The following SHQ1 variants were observed in gnomAD, a reference collection of about 807,000 sequenced individuals.
The protein encoded by SHQ1 is protein SHQ1 homolog.
In SHQ1, 49 loss-of-function variants were observed where a neutral mutation model predicts 53.8. The ratio of observed to expected loss-of-function variants is 0.91; its 90% confidence interval spans 0.72 to 1.16. SHQ1 has a LOEUF of 1.16. SHQ1 is among the 50% of genes most tolerant of loss of function. SHQ1 has a pLI of 0.00. For missense variants in SHQ1, 738 were observed against 683.1 expected (o/e 1.08, Z -0.90); for synonymous variants, 243 against 251.0 (o/e 0.97, Z 0.30).
chr3:72,801,799 G>A (rs555037832), intron 9 of SHQ1, among the ~76,000 whole-genome samples: 17 of 152,310 alleles, frequency 1.1e-4, no homozygotes, highest in African/African-American at 3.1e-4. Context: ...TAATTTATAT[G>A]AAAAGGATGC....
intron 6 of SHQ1, among the ~76,000 whole-genome samples, chr3:72,818,141 C>T (rs1315447081): frequency 2.0e-5 from 3 of 151,992 alleles, no homozygotes; most frequent in Admixed American, 6.6e-5. Flanking sequence ...CCTACACCCT[C>T]CCTCAACCCA....
intron 10 of SHQ1, among the ~76,000 whole-genome samples, chr3:72,781,295 A>AC (rs1706068070): frequency 2.0e-5 from 3 of 152,044 alleles, no homozygotes; most frequent in African/African-American, 7.2e-5. Context: ...ACCCCAGGTG[A>AC]TCCGCTCACC....
At chr3:72,788,403 G>A (rs893027348) in intron 10 of SHQ1, among the ~76,000 whole-genome samples, 20 of 149,428 alleles carry the variant, frequency 1.3e-4, no homozygotes, top group Admixed American at 4.0e-4. Context: ...CTGACCAGCC[G>A]CCCCGTCTGA....
chr3:72,781,916 C>A (rs1032993735), intron 10 of SHQ1, among the ~76,000 whole-genome samples: 13 of 152,054 alleles, frequency 8.5e-5, no homozygotes, highest in African/African-American at 3.1e-4. Flanking sequence ...TTTTCCTATA[C>A]CCCAAAAAGA....
intron 10 of SHQ1, among the ~76,000 whole-genome samples, chr3:72,781,496 T>C (rs1214139816): frequency 6.6e-6 from 1 of 152,172 alleles, no homozygotes; most frequent in Non-Finnish European, 1.5e-5. Flanking sequence ...TTAAGTCAGG[T>C]AGTTAATTTG....
At chr3:72,804,772 T>A (rs1706889753) in intron 9 of SHQ1, among the ~76,000 whole-genome samples, 1 of 152,214 alleles carries the variant, frequency 6.6e-6, no homozygotes, top group Non-Finnish European at 1.5e-5. Context: ...GGAGGATAGC[T>A]TGAGCCCAAG....
chr3:72,736,484 T>C, the SHQ1 span, among the ~76,000 whole-genome samples: 1 of 92,402 alleles, frequency 1.1e-5, no homozygotes, highest in African/African-American at 3.7e-5. Context: ...TCATTAAAAA[T>C]TTTTTTAAAA....
intron 5 of SHQ1, among the ~76,000 whole-genome samples, chr3:72,824,817 A>C (rs1452653151): frequency 6.6e-5 from 10 of 150,672 alleles, no homozygotes; most frequent in African/African-American, 2.2e-4. Context: ...TTTTTTTAAA[A>C]GAGATGGGTC....
chr3:72,815,504 G>A (rs997603734), intron 7 of SHQ1, 101 bp from the exon 8 acceptor site: 3 of 875,282 alleles, frequency 3.4e-6, no homozygotes, highest in Admixed American at 3.7e-5. Flanking sequence ...GAGGATCACT[G>A]ACATATGAGA....
At chr3:72,733,711 A>C in the SHQ1 span, among the ~76,000 whole-genome samples, 1 of 151,624 alleles carries the variant, frequency 6.6e-6, no homozygotes, top group East Asian at 1.9e-4. Context: ...TAGGCGGTAA[A>C]TCCCAACCTG....
intron 10 of SHQ1, among the ~76,000 whole-genome samples, chr3:72,763,671 G>A (rs1705658840): frequency 6.6e-6 from 1 of 152,218 alleles, no homozygotes; most frequent in Admixed American, 6.5e-5. Flanking sequence ...CAGGGACACA[G>A]AGAATGCCAT....
At chr3:72,753,565 G>T (rs1011972107) in intron 10 of SHQ1, 1 of 985,338 alleles carries the variant, frequency 1.0e-6, no homozygotes. Flanking sequence ...GGCACAGTGC[G>T]GTGAGTGGGA....
At chr3:72,816,321 T>C (rs1384437111) in intron 7 of SHQ1, among the ~76,000 whole-genome samples, 2 of 152,212 alleles carry the variant, frequency 1.3e-5, no homozygotes, top group Non-Finnish European at 2.9e-5. Context: ...CATCACCATG[T>C]AACAGCGGTT....
chr3:72,810,346 C>T (rs1488813211), intron 9 of SHQ1, among the ~76,000 whole-genome samples: 1 of 152,122 alleles, frequency 6.6e-6, no homozygotes, highest in African/African-American at 2.4e-5. Flanking sequence ...CTGAAAAGAG[C>T]CAAAGGCCTA....
intron 6 of SHQ1, among the ~76,000 whole-genome samples, chr3:72,823,560 C>A (rs1490965789): frequency 1.3e-5 from 2 of 152,118 alleles, no homozygotes; most frequent in East Asian, 3.8e-4. Flanking sequence ...AAAAAAATAT[C>A]CAACCGGATA....
At chr3:72,845,933 C>T (rs1483279744) in intron 1 of SHQ1, among the ~76,000 whole-genome samples, 2 of 152,154 alleles carry the variant, frequency 1.3e-5, no homozygotes, top group East Asian at 1.9e-4. Flanking sequence ...GTGTCAGAAT[C>T]TGAATTAACT....
chr3:72,815,472 T>A, intron 7 of SHQ1, 69 bp from the exon 8 acceptor site: 1 of 1,193,808 alleles, frequency 8.4e-7, no homozygotes, highest in East Asian at 2.3e-5. Context: ...ACCAAACAAA[T>A]CCATTTATTC....
intron 10 of SHQ1, among the ~76,000 whole-genome samples, chr3:72,783,048 A>T (rs1163077111): frequency 1.3e-5 from 2 of 152,200 alleles, no homozygotes; most frequent in African/African-American, 4.8e-5. Flanking sequence ...AAGGAGATGA[A>T]GGAAAATAGC....
rs374954561 is a variant in SHQ1 at position 72,817,339 on chromosome 3, T to C, written c.773A>G (p.Asn258Ser). The change falls in exon 7 of 11, where the codon AAT becomes AGT. Residue 258 changes from asparagine (N) to serine (S), a missense_variant. Coordinates refer to ENST00000325599, the MANE Select transcript of SHQ1 (RefSeq NM_018130.3). ...EEKYQLRKFV[N>S]KSYLLDKRAC... ...TCTCTTGTCCAGCAGATAAGATTTA[T>C]TGACAAATTTTCGTAGCTGATACTT... 4.3e-6 allele frequency: 7 copies of C among 1,613,180 alleles called. No individual in the cohort carries two copies. The highest frequency in any genetic ancestry group is 1.1e-5 in the South Asian group (1 of 90,966).
Sources: allele counts gnomAD v4.1 joint callset (sites outside exome capture counted in the v4.1 genomes callset), GRCh38; gene constraint gnomAD v4.1.1; transcripts MANE v1.5; gene names NCBI Gene and HGNC (gene_info 2026-07-23, HGNC 2026-07-21).